TBC1D32: variants seen among roughly 807,000 people sequenced by gnomAD.
TBC1D32 encodes the protein TBC1 domain family member 32, also known as protein broad-minded.
Under a neutral mutation model 170.3 loss-of-function variants are expected in TBC1D32, and 151 were observed. The observed-to-expected ratio is 0.89, with a 90% CI of 0.78 to 1.01. The LOEUF (loss-of-function observed/expected upper bound fraction) is 1.01. Among genes scored for constraint, TBC1D32 ranks in the 50% least tolerant of loss-of-function variants. The probability of loss-of-function intolerance (pLI) is 0.00; values close to 1 mark genes in which losing one functional copy is unlikely to be tolerated. For missense variants in TBC1D32, 1,464 were observed against 1,457.1 expected, an observed-to-expected ratio of 1.00 and a Z score of -0.08; for synonymous variants, 498 against 488.0, an observed-to-expected ratio of 1.02 and a Z score of -0.27.
intron 22 of TBC1D32, among the ~76,000 whole-genome samples, chr6:121,179,259 A>C (rs917703572): frequency 2.6e-5 from 4 of 150,984 alleles, no homozygotes; most frequent in Admixed American, 6.6e-5. Flanking sequence ...TATTTATTTT[A>C]TATATGAAGA....
In TBC1D32 at chr6:121,080,755, C is replaced by T; in HGVS notation, c.*16G>A. ...AAAATAAATAAAACCTAAATTTAAA[C>T]CGTGTGTCTCATGATCTATGTGCTC... On this transcript the variant is annotated 3_prime_UTR_variant, in exon 32 of 32. Transcript: ENST00000398212. 3.8e-6 allele frequency: 6 copies of T among 1,597,998 alleles called. No homozygotes were observed. The highest frequency in any genetic ancestry group is 5.1e-6 in the Non-Finnish European group (6 of 1,174,362).
At chr6:121,291,958 T>C (rs1804929348) in intron 12 of TBC1D32, 95 bp downstream of exon 12, 4 of 1,305,488 alleles carry the variant, frequency 3.1e-6, no homozygotes, top group East Asian at 2.6e-5. Context: ...CTAAGTACCG[T>C]AGAAAGGAAC....
At chr6:121,290,224 G>A (rs1237098637) in intron 12 of TBC1D32, among the ~76,000 whole-genome samples, 15 of 152,124 alleles carry the variant, frequency 9.9e-5, no homozygotes, top group Admixed American at 5.9e-4. Flanking sequence ...CCTACAGAAT[G>A]GGAGAAAAGT....
At chr6:121,183,284 T>C (rs1788769427) in intron 22 of TBC1D32, among the ~76,000 whole-genome samples, 1 of 152,080 alleles carries the variant, frequency 6.6e-6, no homozygotes, top group Admixed American at 6.6e-5. Context: ...TGTTCAACTA[T>C]TATTCCACTA....
chr6:121,262,417 A>G (rs1799876946), intron 15 of TBC1D32, among the ~76,000 whole-genome samples: 1 of 152,168 alleles, frequency 6.6e-6, no homozygotes, highest in Non-Finnish European at 1.5e-5. Context: ...CCATCAGAGT[A>G]ATAGCAGATA....
intron 30 of TBC1D32, among the ~76,000 whole-genome samples, chr6:121,092,395 A>G (rs1776920035): frequency 6.8e-6 from 1 of 147,668 alleles, no homozygotes; most frequent in Admixed American, 7.0e-5. Context: ...GAGGATACAG[A>G]TATACAAAAT....
At chr6:121,242,499 G>A (rs1797110113) in intron 17 of TBC1D32, among the ~76,000 whole-genome samples, 160 bp from the exon 18 acceptor site, 1 of 151,932 alleles carries the variant, frequency 6.6e-6, no homozygotes, top group Non-Finnish European at 1.5e-5. Context: ...ATAAAAACAT[G>A]GTTTCTTTGG....
At chr6:121,289,968 C>G (rs561583639) in intron 12 of TBC1D32, among the ~76,000 whole-genome samples, 93 of 152,154 alleles carry the variant, frequency 6.1e-4, no homozygotes, top group Admixed American at 1.5e-3. Context: ...GAAACTGGAT[C>G]CCTTCCTTAC....
chr6:121,296,380 C>T (rs4945683), intron 10 of TBC1D32, among the ~76,000 whole-genome samples: 4,982 of 152,156 alleles, frequency 0.033, 192 homozygotes, highest in East Asian at 0.12. Context: ...CCATATCTAC[C>T]TGTCTTTTCT....
At chr6:121,121,432 T>G (rs922177635) in intron 26 of TBC1D32, among the ~76,000 whole-genome samples, 1 of 152,044 alleles carries the variant, frequency 6.6e-6, no homozygotes, top group Non-Finnish European at 1.5e-5. Context: ...AGAAATCATA[T>G]CACCCTTACA....
rs777306278 is a variant in TBC1D32 at position 121,281,661 on chromosome 6, C to A, written c.1491G>T (p.Val497=). ...HSENYSPASM[V]TEVLWILSDQ... ...CACTGAGTATCCACAGAACTTCAGT[C>A]ACCATACTTGCAGGAGAGTAATTCT... is the stretch of plus-strand genomic sequence containing the variant. Residue 497 remains valine, a synonymous_variant, in exon 14 of 32, where the codon GTG becomes GTT. Transcript: ENST00000398212. 1 of 1,599,340 alleles carries A rather than the reference C, an allele frequency of 6.3e-7. No homozygotes were observed. The highest frequency in any genetic ancestry group is 8.5e-7 in the Non-Finnish European group (1 of 1,172,246).
intron 15 of TBC1D32, among the ~76,000 whole-genome samples, chr6:121,258,709 T>G (rs1799372397): frequency 6.6e-6 from 1 of 152,130 alleles, no homozygotes; most frequent in African/African-American, 2.4e-5. Context: ...ATTCTTCTGT[T>G]CCTTTATTCA....
At chr6:121,179,680 C>T (rs1024665429) in intron 22 of TBC1D32, among the ~76,000 whole-genome samples, 33 of 151,986 alleles carry the variant, frequency 2.2e-4, no homozygotes, top group African/African-American at 8.0e-4. Context: ...TTTAAATAAA[C>T]ATTATGTAAC....
chr6:121,184,718 C>T (rs2651525), intron 22 of TBC1D32, among the ~76,000 whole-genome samples: 1,524 of 151,846 alleles, frequency 0.01, 14 homozygotes, highest in Non-Finnish European at 0.016. Flanking sequence ...AGGTGCAATA[C>T]GAGATCACAC....
intron 24 of TBC1D32, among the ~76,000 whole-genome samples, chr6:121,151,680 T>A (rs766633939): frequency 9.9e-5 from 15 of 152,204 alleles, no homozygotes; most frequent in Non-Finnish European, 1.9e-4. Context: ...TGAATCTAGG[T>A]GCTCTTGTAT....
intron 24 of TBC1D32, among the ~76,000 whole-genome samples, chr6:121,142,182 G>A (rs1376795375): frequency 1.3e-5 from 2 of 152,194 alleles, no homozygotes; most frequent in African/African-American, 4.8e-5. Context: ...CTCTTTCACT[G>A]GATACCTTTG....
intron 30 of TBC1D32, among the ~76,000 whole-genome samples, chr6:121,103,238 A>G (rs1450159871): frequency 6.6e-6 from 1 of 152,124 alleles, no homozygotes; most frequent in Admixed American, 6.6e-5. Context: ...TACTGGTTAT[A>G]TACTGAAAGG....
chr6:121,119,058 A>AC (rs1460819841), intron 26 of TBC1D32, among the ~76,000 whole-genome samples: 4 of 152,112 alleles, frequency 2.6e-5, no homozygotes, highest in Admixed American at 2.0e-4. Context: ...GCTCTCTATT[A>AC]ACGCTTCCTC....
chr6:121,219,149 A>C (rs1794200505), intron 21 of TBC1D32, among the ~76,000 whole-genome samples: 1 of 152,198 alleles, frequency 6.6e-6, no homozygotes, highest in South Asian at 2.1e-4. Context: ...GGTTGACAGA[A>C]GAGAAAGAAA....
Sources: gnomAD v4.1 joint callset for allele counts (sites outside exome capture counted in the v4.1 genomes callset) on GRCh38, gnomAD v4.1.1 for gene constraint, MANE v1.5 for transcripts, NCBI Gene and HGNC (gene_info 2026-07-23, HGNC 2026-07-21) for gene names.